SLC38A4: variants seen among roughly 807,000 people sequenced by gnomAD.
SLC38A4 encodes solute carrier family 38 member 4.
Under a neutral mutation model 63.1 loss-of-function variants are expected in SLC38A4, and 20 were observed. The observed-to-expected ratio is 0.32, with a 90% CI of 0.22 to 0.46. The LOEUF is 0.46. SLC38A4 is among the 20% of genes least tolerant of loss of function. The probability of loss-of-function intolerance (pLI) is 1.00; values close to 1 mark genes in which losing one functional copy is unlikely to be tolerated. For missense variants in SLC38A4, 526 were observed against 663.6 expected (o/e 0.79, Z 2.28); for synonymous variants, 230 against 225.5 (o/e 1.02, Z -0.18).
chr12:46,782,264 A>G (rs913969919), intron 7 of SLC38A4, among the ~76,000 whole-genome samples: 4 of 151,996 alleles, frequency 2.6e-5, no homozygotes, highest in South Asian at 2.1e-4. Context: ...ATCTCTGTGC[A>G]AGTGTATTTA....
chr12:46,766,111 G>T lies in SLC38A4; in HGVS notation c.*590C>A. The T allele has an allele frequency of 4.9e-6, 1 of 202,722 alleles. No individual in the cohort carries two copies. Among genetic ancestry groups the T allele is most frequent in the South Asian group, 8.7e-5 (1 of 11,510 alleles). 12.6% of individuals were successfully genotyped at this position (202,722 alleles called of 1,614,324 possible). ...AGTCACAACTCAATGTCACAAACAG[G>T]GTGGGCAAAATATTATTTTGCTGTT... On this transcript the variant is annotated 3_prime_UTR_variant, in exon 17 of 17. Coordinates refer to ENST00000266579, the MANE Select transcript of SLC38A4 (RefSeq NM_018018.5).
chr12:46,769,307 A>G lies in SLC38A4; in HGVS notation c.1421T>C (p.Ile474Thr). The change falls in exon 15 of 17, where the codon ATA becomes ACA. Residue 474 changes from isoleucine (I) to threonine (T), a missense_variant. Transcript: ENST00000266579. ...ACCTATGAATCCGAAGATGTATTTTATAGTTGGCACAAGGATGACCAGAAC... is the reference window on the plus strand; with the variant it reads ...ACCTATGAATCCGAAGATGTATTTTGTAGTTGGCACAAGGATGACCAGAAC... ...NNVLVILVPT[I>T]KYIFGFIGAS... 1.2e-6 allele frequency: 2 copies of G among 1,613,302 alleles called. No individual in the cohort carries two copies. Among genetic ancestry groups the G allele is most frequent in the East Asian group, 2.2e-5 (1 of 44,844 alleles).
Position 46,782,953 on chromosome 12 carries a change from G to A in SLC38A4, c.493+1589C>T, listed in dbSNP as rs150935984. ...ACTAGATACAAACAGGACCATGAGA[G>A]CCCAGAGGAACTAGTATTTACCAGT... On this transcript the variant is annotated intron_variant, in intron 7 of 16. Transcript: ENST00000266579. 2.0e-3 allele frequency among the ~76,000 whole-genome samples: 286 copies of A among 143,118 alleles called. 3 individuals carry two copies. Among genetic ancestry groups the A allele is most frequent in the African/African-American group, 7.3e-3 (279 of 38,076 alleles). The allele number at this position is 143,118 out of a possible 152,430, so 93.9% of individuals were successfully genotyped here.
intron 14 of SLC38A4, among the ~76,000 whole-genome samples, chr12:46,774,717 G>A (rs936939742): frequency 6.6e-6 from 1 of 151,892 alleles, no homozygotes; most frequent in Non-Finnish European, 1.5e-5. Flanking sequence ...AAGTTAATAT[G>A]GTTTTGGCTT....
intron 1 of SLC38A4, among the ~76,000 whole-genome samples, chr12:46,831,463 C>G (rs1413668666): frequency 1.3e-5 from 2 of 152,252 alleles, no homozygotes; most frequent in African/African-American, 2.4e-5. Flanking sequence ...TATCCGTCCC[C>G]GTTCGCATTT....
chr12:46,809,140 C>T (rs367746336), intron 1 of SLC38A4, among the ~76,000 whole-genome samples: 2 of 152,000 alleles, frequency 1.3e-5, no homozygotes, highest in Middle Eastern at 3.4e-3. Flanking sequence ...TTTGGACTTT[C>T]GGTAGTTTAA....
chr12:46,780,660 A>T (rs1938620457), intron 7 of SLC38A4, among the ~76,000 whole-genome samples: 1 of 151,894 alleles, frequency 6.6e-6, no homozygotes, highest in East Asian at 1.9e-4. Flanking sequence ...AAGGAATTAT[A>T]TAAAGTGGCA....
chr12:46,773,735 C>A (rs1376915791), intron 14 of SLC38A4, among the ~76,000 whole-genome samples: 2 of 152,048 alleles, frequency 1.3e-5, no homozygotes, highest in Non-Finnish European at 2.9e-5. Flanking sequence ...TGAACTGTTA[C>A]CAGCTGTCTG....
intron 1 of SLC38A4, among the ~76,000 whole-genome samples, chr12:46,816,422 G>A (rs1419660923): frequency 6.6e-6 from 1 of 151,810 alleles, no homozygotes; most frequent in Non-Finnish European, 1.5e-5. Flanking sequence ...TCTTTTGCCT[G>A]ACACTTTCTG....
chr12:46,806,918 T>C (rs1939244715), intron 1 of SLC38A4, among the ~76,000 whole-genome samples: 1 of 151,960 alleles, frequency 6.6e-6, no homozygotes, highest in African/African-American at 2.4e-5. Flanking sequence ...TCATTGATTA[T>C]ATGGTTTAAA....
At chr12:46,771,750 C>T (rs987628521) in intron 14 of SLC38A4, among the ~76,000 whole-genome samples, 7 of 152,012 alleles carry the variant, frequency 4.6e-5, no homozygotes, top group Non-Finnish European at 8.8e-5. Context: ...AAAGTGCCTC[C>T]CTGAGTAGTG....
chr12:46,813,965 G>C (rs931872019), intron 1 of SLC38A4, among the ~76,000 whole-genome samples: 1 of 151,988 alleles, frequency 6.6e-6, no homozygotes, highest in Middle Eastern at 3.2e-3. Flanking sequence ...ATATGATACC[G>C]ATTTAATAAG....
At chr12:46,815,284 T>TATATATATATACAC (rs1555173035) in intron 1 of SLC38A4, among the ~76,000 whole-genome samples, 1 of 82,974 alleles carries the variant, frequency 1.2e-5, no homozygotes, top group Non-Finnish European at 2.2e-5. Flanking sequence ...TATATATATA[T>TATATATATATACAC]ACACACACAC....
At chr12:46,819,273 T>C (rs986477449) in intron 1 of SLC38A4, among the ~76,000 whole-genome samples, 9 of 151,572 alleles carry the variant, frequency 5.9e-5, no homozygotes, top group Admixed American at 2.0e-4. Flanking sequence ...CCTGTTTGGA[T>C]TCTGATTCAA....
intron 1 of SLC38A4, among the ~76,000 whole-genome samples, chr12:46,815,337 A>G (rs1042964087): frequency 6.7e-6 from 1 of 149,148 alleles, no homozygotes; most frequent in African/African-American, 2.5e-5. Context: ...TCATATTGAG[A>G]TGGCCTTCCT....
intron 13 of SLC38A4, among the ~76,000 whole-genome samples, 159 bp downstream of exon 13, chr12:46,776,745 C>T (rs1938533986): frequency 6.6e-6 from 1 of 151,946 alleles, no homozygotes; most frequent in Non-Finnish European, 1.5e-5. Context: ...GCCCCATTTC[C>T]TCAGGTCAAG....
intron 1 of SLC38A4, among the ~76,000 whole-genome samples, chr12:46,812,485 G>A (rs182809999): frequency 1.2e-3 from 186 of 152,102 alleles, no homozygotes; most frequent in African/African-American, 4.4e-3. Flanking sequence ...CTTTGATTCA[G>A]AAGATCTGGG....
intron 5 of SLC38A4, among the ~76,000 whole-genome samples, chr12:46,786,424 A>G (rs1238736743): frequency 6.6e-6 from 1 of 152,104 alleles, no homozygotes; most frequent in East Asian, 1.9e-4. Flanking sequence ...AAGTGTTTAT[A>G]AGCCTAAAAT....
chr12:46,773,477 C>T lies in SLC38A4; in HGVS notation c.1299+1572G>A, dbSNP rs112342950. Among the ~76,000 whole-genome samples, 15 of 152,166 alleles carry T rather than the reference C, an allele frequency of 9.9e-5. 1 individual carries two copies. The highest frequency in any genetic ancestry group is 3.4e-4 in the African/African-American group (14 of 41,542). ...AGTGGAAATACATAATGAAGGACAGCAGTTAGTCATTTTTCTGAACTCTGG... is the reference window on the plus strand; with the variant it reads ...AGTGGAAATACATAATGAAGGACAGTAGTTAGTCATTTTTCTGAACTCTGG... On this transcript the variant is annotated intron_variant, in intron 14 of 16. Coordinates refer to ENST00000266579, the MANE Select transcript of SLC38A4 (RefSeq NM_018018.5).
Sources: allele counts gnomAD v4.1 joint callset (sites outside exome capture counted in the v4.1 genomes callset), GRCh38; gene constraint gnomAD v4.1.1; transcripts MANE v1.5; gene names NCBI Gene and HGNC (gene_info 2026-07-23, HGNC 2026-07-21).